The following OSBPL10 variants were observed in gnomAD, a reference collection of about 807,000 sequenced individuals.
OSBPL10 encodes the protein oxysterol-binding protein-related protein 10.
A neutral mutation model predicts 81.7 loss-of-function variants in OSBPL10; 49 were observed. The ratio of observed to expected loss-of-function variants is 0.60; its 90% CI spans 0.48 to 0.76. The LOEUF (loss-of-function observed/expected upper bound fraction) is 0.76. OSBPL10 is among the 30% of genes least tolerant of loss of function. The pLI, the probability that OSBPL10 is intolerant of heterozygous loss-of-function variation, is 0.00. For synonymous variants in OSBPL10, 419 were observed against 383.6 expected, an observed-to-expected ratio of 1.09 and a Z score of -1.08; for missense variants, 923 against 987.8, an observed-to-expected ratio of 0.93 and a Z score of 0.88.
chr3:31,981,167 C>G lies in OSBPL10; in HGVS notation c.13G>C (p.Val5Leu), dbSNP rs1004415525. 1.4e-5 allele frequency: 21 copies of G among 1,478,988 alleles called. No individual in the cohort carries two copies. The African/African-American group carries it at 2.8e-4, about 20-fold the overall frequency. The allele number at this position is 1,478,988 out of a possible 1,614,324, so 91.6% of individuals were successfully genotyped here. ...CCCCCGCCGCCGTCTGTGCCCTGGA[C>G]TGCCCTCTCCATGGTCCGTGGGCGC... is the stretch of plus-strand genomic sequence containing the variant. MERA[V>L]QGTDGGGGSN... Residue 5 changes from valine (V) to leucine (L), a missense_variant, in exon 1 of 12, where the codon GTC (valine) becomes CTC (leucine). Around this residue, in one of 3 missense-constraint regions of OSBPL10, gnomAD observed 514 missense variants for 508.0 expected, o/e 1.01. Coordinates refer to ENST00000396556, the MANE Select transcript of OSBPL10 (RefSeq NM_017784.5). This position sits in a 1 kb window ranked among gnomAD's most constrained non-coding sequence, Gnocchi z 4.5.
At chr3:31,662,197 C>G (rs1575459261) in intron 11 of OSBPL10, 81 bp from the exon 12 acceptor site, 13 of 1,603,590 alleles carry the variant, frequency 8.1e-6, no homozygotes, top group South Asian at 2.2e-5. Flanking sequence ...CGCAGCCACT[C>G]TGTGTGTCTG....
intron 5 of OSBPL10, among the ~76,000 whole-genome samples, chr3:31,745,878 C>A (rs1697505457): frequency 6.6e-6 from 1 of 152,178 alleles, no homozygotes; most frequent in Non-Finnish European, 1.5e-5. Flanking sequence ...TTTCATGCTT[C>A]AGTGAAACAA....
intron 1 of OSBPL10, among the ~76,000 whole-genome samples, chr3:31,974,659 C>G (rs1195859118): frequency 6.6e-6 from 1 of 152,082 alleles, no homozygotes; most frequent in African/African-American, 2.4e-5. Flanking sequence ...TTACACAATA[C>G]ACAGTTCAAA....
intron 4 of OSBPL10, among the ~76,000 whole-genome samples, chr3:31,787,390 T>C (rs1032977185): frequency 6.6e-6 from 1 of 151,740 alleles, no homozygotes; most frequent in Non-Finnish European, 1.5e-5. Flanking sequence ...AGGTCAGGAG[T>C]TCCAGACCAG....
chr3:31,708,879 T>C, intron 6 of OSBPL10: 1 of 985,418 alleles, frequency 1.0e-6, no homozygotes, highest in Non-Finnish European at 1.2e-6. Context: ...AGACAGAAGC[T>C]GTGGACACAT....
At chr3:31,725,072 A>G (rs1696764558) in intron 6 of OSBPL10, among the ~76,000 whole-genome samples, 1 of 152,222 alleles carries the variant, frequency 6.6e-6, no homozygotes, top group Admixed American at 6.5e-5. Flanking sequence ...TTCTAATCTC[A>G]TGAATACAGA....
chr3:31,858,713 T>G (rs573687118), intron 3 of OSBPL10, among the ~76,000 whole-genome samples: 1 of 152,196 alleles, frequency 6.6e-6, no homozygotes, highest in African/African-American at 2.4e-5. Flanking sequence ...GAAAGTGAGA[T>G]GGGAGCCACT....
chr3:31,851,779 C>A (rs1275289776), intron 3 of OSBPL10, among the ~76,000 whole-genome samples: 1 of 152,140 alleles, frequency 6.6e-6, no homozygotes, highest in Admixed American at 6.5e-5. Flanking sequence ...AAGTTCAGAA[C>A]CCCCTCCATC....
chr3:31,997,375 G>A (rs758515159), intron 2 of OSBPL10, among the ~76,000 whole-genome samples: 3 of 150,974 alleles, frequency 2.0e-5, no homozygotes, highest in African/African-American at 2.4e-5. Flanking sequence ...AGGGATCCTC[G>A]TGCCTCAGCC....
At chr3:31,768,698 A>G (rs962790172) in intron 4 of OSBPL10, among the ~76,000 whole-genome samples, 1 of 152,198 alleles carries the variant, frequency 6.6e-6, no homozygotes, top group Non-Finnish European at 1.5e-5. Context: ...TTCTGACTGT[A>G]TACTTCACCC....
At chr3:31,689,782 G>A (rs935710271) in intron 7 of OSBPL10, among the ~76,000 whole-genome samples, 7 of 152,190 alleles carry the variant, frequency 4.6e-5, no homozygotes. Context: ...CTTCTGCCAT[G>A]ATTGTGAGGC....
At chr3:31,782,187 T>C (rs1216379207) in intron 4 of OSBPL10, among the ~76,000 whole-genome samples, 4 of 151,370 alleles carry the variant, frequency 2.6e-5, no homozygotes, top group Non-Finnish European at 4.4e-5. Flanking sequence ...AAAATCAAAA[T>C]GGGATATCCT....
At chr3:31,960,419 G>A (rs1018500318) in intron 1 of OSBPL10, 1 of 152,136 alleles carries the variant, frequency 6.6e-6, no homozygotes, top group South Asian at 2.1e-4. Flanking sequence ...AATAACAAGG[G>A]CATTTGCATC....
chr3:31,915,341 G>C (rs1300577100), intron 1 of OSBPL10, among the ~76,000 whole-genome samples: 1 of 151,960 alleles, frequency 6.6e-6, no homozygotes, highest in Non-Finnish European at 1.5e-5. Context: ...ATTCACAATA[G>C]CAAAGACATG....
At chr3:31,680,531 C>T (rs1368692007) in intron 8 of OSBPL10, among the ~76,000 whole-genome samples, 1 of 152,216 alleles carries the variant, frequency 6.6e-6, no homozygotes, top group African/African-American at 2.4e-5. Flanking sequence ...AGCTGCCTCT[C>T]TCGGGCTCCT....
chr3:31,875,394 A>T (rs1329748521), intron 3 of OSBPL10, among the ~76,000 whole-genome samples: 1 of 152,164 alleles, frequency 6.6e-6, no homozygotes, highest in Non-Finnish European at 1.5e-5. Flanking sequence ...GAGAACTCCT[A>T]CTATAATTCT....
At chr3:31,965,698 A>ATTATATAAAATATATAAT (rs1553644513) in intron 1 of OSBPL10, among the ~76,000 whole-genome samples, 1 of 42,266 alleles carries the variant, frequency 2.4e-5, no homozygotes, top group Non-Finnish European at 3.2e-5. Context: ...TAAAATATAT[A>ATTATATAAAATATATAAT]ATATATTATA....
intron 8 of OSBPL10, among the ~76,000 whole-genome samples, chr3:31,677,106 G>A (rs567847876): frequency 6.6e-6 from 1 of 152,252 alleles, no homozygotes; most frequent in East Asian, 1.9e-4. Context: ...TTATAATGAG[G>A]AGATGGAAAA....
chr3:31,672,316 G>A (rs371643230), intron 8 of OSBPL10, among the ~76,000 whole-genome samples: 7 of 139,202 alleles, frequency 5.0e-5, no homozygotes, highest in African/African-American at 1.9e-4. Context: ...TTCCCTCTTA[G>A]GCTACATAAG....
Sources: allele counts gnomAD v4.1 joint callset (sites outside exome capture counted in the v4.1 genomes callset), GRCh38; gene constraint gnomAD v4.1.1; regional missense constraint gnomAD v4.1.1; non-coding constraint Gnocchi (gnomAD v3.1); transcripts MANE v1.5; gene names NCBI Gene and HGNC (gene_info 2026-07-23, HGNC 2026-07-21).